Variants in ACSF2 observed in about 807,000 individuals in gnomAD.
The protein encoded by ACSF2 is medium-chain acyl-CoA ligase ACSF2, mitochondrial.
Under a neutral mutation model 79.3 loss-of-function variants are expected in ACSF2, and 52 were observed. The observed-to-expected ratio is 0.66, with a 90% CI of 0.53 to 0.83. The LOEUF is 0.83. Ranked by LOEUF, ACSF2 falls within the 40% of genes least tolerant of loss-of-function variation. The pLI is 0.00. For missense variants in ACSF2, 661 were observed against 803.3 expected, an observed-to-expected ratio of 0.82 and a Z score of 2.14; for synonymous variants, 283 against 312.6, an observed-to-expected ratio of 0.91 and a Z score of 1.00.
At chr17:50,456,141 T>C (rs1163171093) in intron 1 of ACSF2, among the ~76,000 whole-genome samples, 1 of 152,116 alleles carries the variant, frequency 6.6e-6, no homozygotes, top group Admixed American at 6.5e-5. Context: ...GCTTCAAACT[T>C]TTCCCCTTTA....
In ACSF2 at chr17:50,472,462, C is replaced by T; in HGVS notation, c.1358C>T (p.Ala453Val). 1 of 1,612,788 alleles carries T rather than the reference C, an allele frequency of 6.2e-7. No individual in the cohort carries two copies. The highest frequency in any genetic ancestry group is 1.3e-5 in the African/African-American group (1 of 74,962). ...RIMNMEAGTL[A>V]KLNTPGELCI... ...ATGAACATGGAGGCAGGGACGCTGG[C>T]AAAGCTGAACACGCCCGGGGAGCTG... is the stretch of plus-strand genomic sequence containing the variant. Residue 453 changes from alanine to valine, a missense_variant, in exon 12 of 16, where the codon GCA becomes GTA. Ala to Val is a moderately conservative substitution (Grantham distance 64). Coordinates refer to ENST00000300441, the MANE Select transcript of ACSF2 (RefSeq NM_025149.6).
intron 1 of ACSF2, among the ~76,000 whole-genome samples, chr17:50,441,476 GGC>G (rs1169047182): frequency 6.6e-6 from 1 of 152,160 alleles, no homozygotes; most frequent in Non-Finnish European, 1.5e-5. Context: ...TGCCTGGCCT[GGC>G]GGTCCTTTTT....
intron 1 of ACSF2, among the ~76,000 whole-genome samples, chr17:50,438,865 C>T (rs566456111): frequency 3.3e-5 from 5 of 152,174 alleles, no homozygotes; most frequent in Admixed American, 1.3e-4. Context: ...CCATACCTGG[C>T]CCCAGTATTT....
Position 50,474,086 on chromosome 17 carries a change from T to C in ACSF2, c.1728+82T>C. On this transcript the variant is annotated intron_variant, in intron 14 of 15. Transcript: ENST00000300441. This position sits in a 1 kb window ranked among gnomAD's most constrained non-coding sequence, Gnocchi z 4.2. ...TCTGCCAACCAGCCCAGGGTGGGGA[T>C]TGCTCTGCCCTTGACGAAGCTGACT... 1 of 1,572,488 alleles carries C rather than the reference T, an allele frequency of 6.4e-7. No individual in the cohort carries two copies. The highest frequency in any genetic ancestry group is 8.7e-7 in the Non-Finnish European group (1 of 1,150,768).
chr17:50,440,668 G>A (rs1467675456), intron 1 of ACSF2, among the ~76,000 whole-genome samples: 1 of 152,256 alleles, frequency 6.6e-6, no homozygotes, highest in Non-Finnish European at 1.5e-5. Flanking sequence ...GAATGCCACA[G>A]CTATTTCACC....
At position 50,474,584 on chromosome 17, in the gene ACSF2, CT is replaced by C. The variant is rs1304647581; in HGVS notation, c.*34del. The C allele has an allele frequency of 6.2e-7, 1 of 1,609,898 alleles. No individual in the cohort carries two copies. Among genetic ancestry groups the C allele is most frequent in the East Asian group, 2.2e-5 (1 of 44,866 alleles). On this transcript the variant is annotated 3_prime_UTR_variant, in exon 16 of 16. Transcript: ENST00000300441. The surrounding 1 kb of genome is among the most constrained non-coding windows in gnomAD (Gnocchi z 4.2). ...CAGCAGGCCTGTCCTGGCCGGTTGG[CT>C]TGACTCTCTCCTGTCAGAATGCAAC...
intron 1 of ACSF2, among the ~76,000 whole-genome samples, chr17:50,449,208 G>T (rs1017167449): frequency 6.6e-6 from 1 of 151,060 alleles, no homozygotes; most frequent in African/African-American, 2.4e-5. Flanking sequence ...GTAGAGACAG[G>T]GTTTCATCAT....
rs201782861 is a variant in ACSF2, at chr17:50,463,146, G to T, written c.793-10G>T. 6.2e-7 allele frequency: 1 copy of T among 1,612,496 alleles called. No homozygotes were observed. The highest frequency in any genetic ancestry group is 1.1e-5 in the South Asian group (1 of 91,018). On this transcript the variant is annotated splice_polypyrimidine_tract_variant and intron_variant, in intron 6 of 15. Transcript: ENST00000300441. This position sits in a 1 kb window ranked among gnomAD's most constrained non-coding sequence, Gnocchi z 4.6. ...AAGGAGGCCAAGCCATGCCCTGTTT[G>T]CCTTGTCAGGGGACAACAGGCAGCC...
chr17:50,468,196 C>T, intron 10 of ACSF2: 2 of 1,613,904 alleles, frequency 1.2e-6, no homozygotes, highest in Non-Finnish European at 1.7e-6. Flanking sequence ...AGCTGGACAG[C>T]TGGTTCCTGT....
chr17:50,426,261 C>G lies in ACSF2; in HGVS notation c.-1C>G. 3 of 1,378,486 alleles carry G rather than the reference C, an allele frequency of 2.2e-6. No homozygotes were observed. The highest frequency in any genetic ancestry group is 2.8e-6 in the Non-Finnish European group (3 of 1,059,070). The allele number at this position is 1,378,486 out of a possible 1,614,324, so 85.4% of individuals were successfully genotyped here. On this transcript the variant is annotated 5_prime_UTR_variant, in exon 1 of 16. Coordinates refer to ENST00000300441, the MANE Select transcript of ACSF2 (RefSeq NM_025149.6). ...GGCCGGGACGCAGGGCAAAGCGAGC[C>G]ATGGCTGTCTACGTCGGGATGCTGC... is the stretch of plus-strand genomic sequence containing the variant.
rs749422616 is a variant in ACSF2 at position 50,463,190 on chromosome 17, C to G, written c.827C>G (p.Ser276Cys). ...GGCAGCCCCAAGGGGGCCACCCTCT[C>G]CCACTACAACATTGTCAACAACTCC... ...TTGSPKGATL[S>C]HYNIVNNSNI... Residue 276 changes from serine (S) to cysteine (C), a missense_variant, in exon 7 of 16, where the codon TCC becomes TGC. Transcript: ENST00000300441. The surrounding 1 kb of genome is among the most constrained non-coding windows in gnomAD (Gnocchi z 4.6). 1 of 1,614,096 alleles carries G rather than the reference C, an allele frequency of 6.2e-7. No individual in the cohort carries two copies.
At chr17:50,456,815 T>A (rs1337617867) in intron 1 of ACSF2, among the ~76,000 whole-genome samples, 1 of 152,148 alleles carries the variant, frequency 6.6e-6, no homozygotes, top group Non-Finnish European at 1.5e-5. Context: ...ATCCCAGGAC[T>A]TTGGGATGCC....
intron 1 of ACSF2, among the ~76,000 whole-genome samples, chr17:50,449,039 T>C (rs558361456): frequency 1.3e-3 from 183 of 142,418 alleles, no homozygotes; most frequent in African/African-American, 4.6e-3. Context: ...TTTTTGGAGA[T>C]GGAGTCTCGC....
At chr17:50,473,845 AAC>A (rs750812461) in intron 13 of ACSF2, 39 bp downstream of exon 13, 57 of 1,612,078 alleles carry the variant, frequency 3.5e-5, no homozygotes, top group Middle Eastern at 3.3e-4. Context: ...AGAAACAAGA[AAC>A]ACACATGAAC....
chr17:50,474,176 ACCTC>A lies in ACSF2; in HGVS notation c.1729-14_1729-11del, dbSNP rs751830404. On this transcript the variant is annotated intron_variant, in intron 14 of 15. Coordinates refer to ENST00000300441, the MANE Select transcript of ACSF2 (RefSeq NM_025149.6). This position sits in a 1 kb window ranked among gnomAD's most constrained non-coding sequence, Gnocchi z 4.2. ...GTGAGCTTGCGCAGCCTCACGCCTT[ACCTC>A]CCTCCCTCTGGTCTGCAGATCTCTC... The A allele has an allele frequency of 2.5e-6, 4 of 1,613,382 alleles. No homozygotes were observed. The African/African-American group carries it at 5.4e-5, about 22-fold the overall frequency.
chr17:50,440,780 G>A (rs2030844119), intron 1 of ACSF2, among the ~76,000 whole-genome samples: 1 of 152,270 alleles, frequency 6.6e-6, no homozygotes, highest in African/African-American at 2.4e-5. Flanking sequence ...GGCTTTCCAG[G>A]TGGGTCCGAC....
In ACSF2 at chr17:50,426,519, G is replaced by C. The variant is rs1223574663; in HGVS notation, c.128+130G>C. 3.6e-6 allele frequency: 4 copies of C among 1,113,876 alleles called. No homozygotes were observed. In the African/African-American group the frequency reaches 6.5e-5, roughly 18 times the overall value. The allele number at this position is 1,113,876 out of a possible 1,614,324, so 69.0% of individuals were successfully genotyped here. A position where few individuals can be genotyped will look rare whatever the true frequency, so the allele number is the denominator to read the frequency against. ...GGGGGAAGGTACCCGCCCCTCCCCCGCCCCCCGCCAGCACCTAGGCAATAG... is the reference window on the plus strand; with the variant it reads ...GGGGGAAGGTACCCGCCCCTCCCCCCCCCCCCGCCAGCACCTAGGCAATAG... On this transcript the variant is annotated intron_variant, in intron 1 of 15. Transcript: ENST00000300441.
intron 10 of ACSF2, chr17:50,464,998 GTC>G (rs2143738712): frequency 2.3e-6 from 1 of 425,846 alleles, no homozygotes; most frequent in African/African-American, 2.0e-5. Flanking sequence ...AAGGTCAGTA[GTC>G]TCTCCGGTGG....
chr17:50,461,530 AG>A, intron 3 of ACSF2, 102 bp from the exon 4 acceptor site: 1 of 1,591,242 alleles, frequency 6.3e-7, no homozygotes, highest in Non-Finnish European at 8.6e-7. Context: ...TCTGGGAGTT[AG>A]GGGGCTGTAG....
Sources: allele counts gnomAD v4.1 joint callset (sites outside exome capture counted in the v4.1 genomes callset), GRCh38; gene constraint gnomAD v4.1.1; non-coding constraint Gnocchi (gnomAD v3.1); transcripts MANE v1.5; gene names NCBI Gene and HGNC (gene_info 2026-07-23, HGNC 2026-07-21).